The following WASHC4 variants were observed in gnomAD, a reference collection of about 807,000 sequenced individuals.
WASHC4 encodes the protein WASH complex subunit 7.
WASHC4 carries 86 observed loss-of-function variants against 166.6 expected under a neutral mutation model. That is an observed-to-expected ratio of 0.52 (90% CI 0.43 to 0.62). The LOEUF (loss-of-function observed/expected upper bound fraction) is 0.62. Among genes scored for constraint, WASHC4 ranks in the 20% least tolerant of loss-of-function variants. The probability of loss-of-function intolerance (pLI) is 0.00; values close to 1 mark genes in which losing one functional copy is unlikely to be tolerated. For missense variants in WASHC4, 1,262 were observed against 1,382.4 expected (o/e 0.91, Z 1.38); for synonymous variants, 446 against 451.6 (o/e 0.99, Z 0.16).
intron 6 of WASHC4, 28 bp from the exon 7 acceptor site, chr12:105,118,418 A>G (rs1288939305): frequency 1.4e-6 from 2 of 1,480,522 alleles, no homozygotes; most frequent in African/African-American, 1.4e-5. Context: ...GAGTAACTTT[A>G]TAATATATAC....
rs1189996472 is a variant in WASHC4 at position 105,168,199 on chromosome 12, C to A, written c.*1268C>A. On this transcript the variant is annotated 3_prime_UTR_variant, in exon 33 of 33. Transcript: ENST00000332180. Reference sequence around the variant, plus strand: ...AGCTTTTAGAATGGGTGTACAATGCCCTGTTTGTACTTACTGGTTAGGGTC... The same window carrying A: ...AGCTTTTAGAATGGGTGTACAATGCACTGTTTGTACTTACTGGTTAGGGTC... 3.9e-5 allele frequency: 6 copies of A among 152,288 alleles called. No homozygotes were observed. Among genetic ancestry groups the A allele is most frequent in the African/African-American group, 1.4e-4 (6 of 41,508 alleles). The allele number at this position is 152,288 out of a possible 1,614,324, so 9.4% of individuals were successfully genotyped here.
Position 105,114,546 on chromosome 12 carries a change from A to G in WASHC4, c.321+119A>G, listed in dbSNP as rs936779728. The G allele has an allele frequency of 3.8e-5, 28 of 743,534 alleles. No individual in the cohort carries two copies. The African/African-American group carries it at 4.0e-4, about 11-fold the overall frequency. 46.1% of individuals were successfully genotyped at this position (743,534 alleles called of 1,614,324 possible). On this transcript the variant is annotated intron_variant, in intron 4 of 32. Transcript: ENST00000332180. ...GAATGTTGAATGAATTATTTATTTA[A>G]CGTAATACTAATACGGACTACCATT...
rs1264820654 is a variant in WASHC4 at position 105,164,713 on chromosome 12, G to C, written c.3427G>C (p.Glu1143Gln). The C allele has an allele frequency of 6.2e-7, 1 of 1,612,762 alleles. No individual in the cohort carries two copies. Among genetic ancestry groups the C allele is most frequent in the African/African-American group, 1.3e-5 (1 of 74,894 alleles). ...FFRADKTAAEENQEKKEKEEE... is the reference protein window; with the variant it reads ...FFRADKTAAEQNQEKKEKEEE... ...CAGAGCAGACAAGACTGCGGCTGAA[G>C]AAAACCAAGAAAAGAAAGAGAAGGA... is the stretch of plus-strand genomic sequence containing the variant. Residue 1143 changes from glutamate to glutamine, a missense_variant, in exon 32 of 33, where the codon GAA becomes CAA. By Grantham distance (29) the Glu-to-Gln change is conservative (BLOSUM62 2). Transcript: ENST00000332180.
At chr12:105,149,297 T>G (rs763586085) in intron 24 of WASHC4, 11 of 985,320 alleles carry the variant, frequency 1.1e-5, no homozygotes, top group Non-Finnish European at 1.3e-5. Flanking sequence ...GACCATGGCT[T>G]AAAAACTAGA....
At chr12:105,166,174 T>C (rs1428507568) in intron 32 of WASHC4, among the ~76,000 whole-genome samples, 2 of 152,334 alleles carry the variant, frequency 1.3e-5, no homozygotes, top group African/African-American at 2.4e-5. Flanking sequence ...GCAGTTGTTA[T>C]GTTATCACTC....
At chr12:105,148,627 GA>G in intron 24 of WASHC4, 5 of 985,206 alleles carry the variant, frequency 5.1e-6, no homozygotes, top group Non-Finnish European at 6.0e-6. Context: ...CAAAGAAACA[GA>G]AAAAACAAGG....
intron 10 of WASHC4, 22 bp downstream of exon 10, chr12:105,122,260 T>G: frequency 6.2e-7 from 1 of 1,609,408 alleles, no homozygotes; most frequent in African/African-American, 1.3e-5. Flanking sequence ...TGTATCAGAC[T>G]GTAACAGTGG....
rs1165598606 is a variant in WASHC4, at chr12:105,167,095, T to C, written c.*164T>C. 3 of 610,982 alleles carry C rather than the reference T, an allele frequency of 4.9e-6. No individual in the cohort carries two copies. Among genetic ancestry groups the C allele is most frequent in the African/African-American group, 1.8e-5 (1 of 54,320 alleles). 37.8% of individuals were successfully genotyped at this position (610,982 alleles called of 1,614,324 possible). A position where few individuals can be genotyped will look rare whatever the true frequency, so the allele number is the denominator to read the frequency against. Reference sequence around the variant, plus strand: ...GCTTTAAAGTGAAGTTCATTCTGTTTCCAAAGGCTCTACTTTCAAAGGTTA... The same window carrying C: ...GCTTTAAAGTGAAGTTCATTCTGTTCCCAAAGGCTCTACTTTCAAAGGTTA... On this transcript the variant is annotated 3_prime_UTR_variant, in exon 33 of 33. Transcript: ENST00000332180.
chr12:105,142,493 C>T lies in WASHC4; in HGVS notation c.1828C>T (p.Arg610Ter), dbSNP rs1392983917. The T allele has an allele frequency of 5.6e-6, 9 of 1,610,666 alleles. No individual in the cohort carries two copies. The highest frequency in any genetic ancestry group is 2.2e-5 in the East Asian group (1 of 44,742). The change falls in exon 19 of 33, where the codon CGA (arginine) becomes TGA (stop). Residue 610 changes from arginine (R) to a stop codon, truncating the protein, a stop_gained. Coordinates refer to ENST00000332180, the MANE Select transcript of WASHC4 (RefSeq NM_015275.3). LOFTEE classifies it high-confidence loss of function. ...TGACTGTTGTTTTTTATACTGGCAT[C>T]GAGCTGTCTTCCCAATTTATTTAGA... Reference protein sequence around the residue: ...QCDCCFLYWHRAVFPIYLDDV... With the variant: ...QCDCCFLYWH
intron 20 of WASHC4, among the ~76,000 whole-genome samples, chr12:105,143,958 T>G (rs994337875): frequency 6.6e-6 from 1 of 151,206 alleles, no homozygotes; most frequent in African/African-American, 2.4e-5. Context: ...ATTTTGTGAT[T>G]TTTTTTTTAA....
At chr12:105,144,997 A>G (rs951664076) in intron 22 of WASHC4, 125 bp downstream of exon 22, 2 of 958,534 alleles carry the variant, frequency 2.1e-6, no homozygotes, top group East Asian at 2.6e-5. Flanking sequence ...TATTTGCCAT[A>G]TAAAATCTTA....
chr12:105,164,363 C>T (rs1421310129), intron 31 of WASHC4, 56 bp downstream of exon 31: 5 of 1,445,758 alleles, frequency 3.5e-6, no homozygotes, highest in African/African-American at 1.4e-5. Flanking sequence ...ATATCCATGA[C>T]TTCTTAATGT....
chr12:105,164,072 C>T, intron 30 of WASHC4, 39 bp from the exon 31 acceptor site: 5 of 1,561,224 alleles, frequency 3.2e-6, no homozygotes, highest in Non-Finnish European at 4.4e-6. Flanking sequence ...CACTTCTGTA[C>T]TCACTGTAAT....
intron 18 of WASHC4, among the ~76,000 whole-genome samples, chr12:105,142,078 A>G (rs939507899): frequency 6.6e-6 from 1 of 151,470 alleles, no homozygotes; most frequent in Non-Finnish European, 1.5e-5. Context: ...GGAGCATGTG[A>G]TGCAAGTATT....
chr12:105,136,622 T>G (rs1230334549), intron 14 of WASHC4, among the ~76,000 whole-genome samples: 1 of 152,152 alleles, frequency 6.6e-6, no homozygotes, highest in East Asian at 1.9e-4. Context: ...AAGGGAAGCC[T>G]CCTTTTTCTG....
intron 14 of WASHC4, 131 bp downstream of exon 14, chr12:105,134,027 A>G (rs1489621902): frequency 2.5e-6 from 2 of 795,046 alleles, no homozygotes; most frequent in Admixed American, 2.2e-5. Flanking sequence ...TTATGTTGGG[A>G]TCTGTGTGAC....
At chr12:105,143,299 GA>G (rs1007943100) in intron 20 of WASHC4, 56 bp downstream of exon 20, 75 of 1,014,616 alleles carry the variant, frequency 7.4e-5, no homozygotes, top group East Asian at 6.5e-4. Context: ...GTAGTGTTTG[GA>G]AAAAAAATGT....
chr12:105,146,684 T>C (rs1442018234), intron 23 of WASHC4, among the ~76,000 whole-genome samples, 158 bp downstream of exon 23: 2 of 152,170 alleles, frequency 1.3e-5, no homozygotes, highest in Non-Finnish European at 2.9e-5. Context: ...ATACCAGTTG[T>C]GTATCTTTTA....
At chr12:105,125,500 G>A (rs1007496452) in intron 10 of WASHC4, among the ~76,000 whole-genome samples, 12 of 152,116 alleles carry the variant, frequency 7.9e-5, no homozygotes, top group Non-Finnish European at 1.0e-4. Context: ...TTGACTGCAC[G>A]AGGGTCAGTG....
Sources: allele counts gnomAD v4.1 joint callset (sites outside exome capture counted in the v4.1 genomes callset), GRCh38; gene constraint gnomAD v4.1.1; transcripts MANE v1.5; gene names NCBI Gene and HGNC (gene_info 2026-07-23, HGNC 2026-07-21).